The following TFEC variants were observed in gnomAD, a reference collection of about 807,000 sequenced individuals.
TFEC encodes class E basic helix-loop-helix protein 34.
In TFEC, 31 loss-of-function variants were observed where a neutral mutation model predicts 41.6. That is an observed-to-expected ratio of 0.74 (90% CI 0.56 to 1.01). The LOEUF is 1.01. Among genes scored for constraint, TFEC ranks in the 50% least tolerant of loss-of-function variants. TFEC has a pLI of 0.00. For missense variants in TFEC, 402 were observed against 404.1 expected (o/e 0.99, Z 0.04); for synonymous variants, 143 against 140.6 (o/e 1.02, Z -0.12).
chr7:116,074,088 T>C (rs916743765), intron 3 of TFEC, among the ~76,000 whole-genome samples: 2 of 151,790 alleles, frequency 1.3e-5, no homozygotes, highest in African/African-American at 2.4e-5. Flanking sequence ...TCAGACCTAA[T>C]CATAAGATCT....
intron 3 of TFEC, among the ~76,000 whole-genome samples, chr7:116,050,546 G>A (rs61619491): frequency 0.19 from 28,890 of 152,120 alleles, 2,777 homozygotes; most frequent in East Asian, 0.32. Flanking sequence ...ACATCAAAAA[G>A]TGCTCATCAT....
chr7:116,129,942 T>A lies in TFEC; in HGVS notation c.-68-17904A>T, dbSNP rs139701503. Among the ~76,000 whole-genome samples the A allele has an allele frequency of 5.7e-4, 86 of 151,960 alleles. 1 individual carries two copies. In the East Asian group the frequency reaches 0.012, roughly 22 times the overall value. On this transcript the variant is annotated intron_variant, in intron 1 of 8. Transcript: ENST00000484212. The stretch of plus-strand genomic sequence containing the variant: ...CCATAAACTTTCTATCACCATAAAC[T>A]TCCAGTGGCTCTCCTTCCCCTCATG...
intron 1 of TFEC, among the ~76,000 whole-genome samples, chr7:116,019,871 G>C (rs1163265858): frequency 1.3e-5 from 2 of 152,142 alleles, no homozygotes; most frequent in African/African-American, 2.4e-5. Context: ...GAGAGATTAA[G>C]CAACTTGTGT....
rs1215270359 is a variant in TFEC, at chr7:116,133,210, A to G, written c.-68-21172T>C. Among the ~76,000 whole-genome samples, 4 of 152,112 alleles carry G rather than the reference A, an allele frequency of 2.6e-5. No homozygotes were observed. In the East Asian group the frequency reaches 5.8e-4, roughly 22 times the overall value. ...CTTATGTTTAGATTCTCGGCAACAA[A>G]ACTACAAACGTGTTATGTACCAAAC... is the stretch of plus-strand genomic sequence containing the variant. On this transcript the variant is annotated intron_variant, in intron 1 of 8. Coordinates refer to the TFEC transcript ENST00000484212.
At chr7:115,946,656 T>C (rs1057498652) in intron 6 of TFEC, among the ~76,000 whole-genome samples, 2 of 150,544 alleles carry the variant, frequency 1.3e-5, no homozygotes, top group African/African-American at 4.9e-5. Context: ...TTTTTCTTTC[T>C]TTCCTTCCTT....
chr7:115,998,027 A>G (rs1190104531), intron 1 of TFEC, among the ~76,000 whole-genome samples: 2 of 152,112 alleles, frequency 1.3e-5, no homozygotes, highest in African/African-American at 4.8e-5. Flanking sequence ...AGAGAGAGGG[A>G]TAGAAAATTT....
At chr7:116,061,817 A>C (rs1451237240) in intron 3 of TFEC, among the ~76,000 whole-genome samples, 1 of 152,184 alleles carries the variant, frequency 6.6e-6, no homozygotes, top group East Asian at 1.9e-4. Flanking sequence ...TATAAGGTAT[A>C]TGGATAGCAA....
At chr7:116,002,582 T>C (rs1794639693) in intron 1 of TFEC, among the ~76,000 whole-genome samples, 1 of 152,172 alleles carries the variant, frequency 6.6e-6, no homozygotes, top group Non-Finnish European at 1.5e-5. Flanking sequence ...TATCATTAGA[T>C]ATAATGAATA....
At chr7:115,952,043 TAAAC>T (rs1410400903) in intron 5 of TFEC, among the ~76,000 whole-genome samples, 1 of 152,064 alleles carries the variant, frequency 6.6e-6, no homozygotes, top group Non-Finnish European at 1.5e-5. Flanking sequence ...GGAAAATACT[TAAAC>T]AGTTCACATT....
In TFEC at chr7:115,978,681, C is replaced by T. The variant is rs186946560; in HGVS notation, c.181-4425G>A. Among the ~76,000 whole-genome samples, 124 of 152,214 alleles carry T rather than the reference C, an allele frequency of 8.1e-4. 1 individual carries two copies. Among genetic ancestry groups the T allele is most frequent in the Non-Finnish European group, 3.1e-4 (21 of 67,976 alleles). ...CATCCCTTTTGTTGTTATTTTTATT[C>T]ACTCTTTGCCAAGTTCAACAGATAT... On this transcript the variant is annotated intron_variant, in intron 2 of 7. Coordinates refer to ENST00000265440, the MANE Select transcript of TFEC (RefSeq NM_012252.4).
intron 5 of TFEC, among the ~76,000 whole-genome samples, chr7:115,952,681 T>A (rs1328698589): frequency 6.6e-6 from 1 of 152,108 alleles, no homozygotes; most frequent in Non-Finnish European, 1.5e-5. Flanking sequence ...TGTTCATACC[T>A]AGTACTAGTT....
intron 1 of TFEC, among the ~76,000 whole-genome samples, chr7:116,028,453 A>G (rs189280623): frequency 6.6e-6 from 1 of 152,264 alleles, no homozygotes; most frequent in African/African-American, 2.4e-5. Context: ...GTAGGTTATG[A>G]CTTTGGGGAT....
intron 4 of TFEC, among the ~76,000 whole-genome samples, chr7:115,956,284 G>A (rs1039977644): frequency 6.7e-6 from 1 of 149,990 alleles, no homozygotes; most frequent in Non-Finnish European, 1.5e-5. Context: ...ATCAAATTCT[G>A]CATACAAAGA....
At chr7:116,121,182 G>T (rs1562977085) in intron 1 of TFEC, among the ~76,000 whole-genome samples, 1 of 151,908 alleles carries the variant, frequency 6.6e-6, no homozygotes, top group African/African-American at 2.4e-5. Context: ...TCTGCAAAAT[G>T]AGGTATATAC....
At chr7:116,144,068 A>G (rs1798593161) in intron 1 of TFEC, among the ~76,000 whole-genome samples, 1 of 152,128 alleles carries the variant, frequency 6.6e-6, no homozygotes, top group Admixed American at 6.6e-5. Flanking sequence ...AAATACAAAA[A>G]TTAGCCAGGT....
At chr7:116,159,375 A>G (rs1308725492) in intron 1 of TFEC, among the ~76,000 whole-genome samples, 1 of 151,976 alleles carries the variant, frequency 6.6e-6, no homozygotes, top group Non-Finnish European at 1.5e-5. Context: ...ATTCTACATT[A>G]TATATAATAA....
intron 3 of TFEC, among the ~76,000 whole-genome samples, chr7:116,078,562 A>G (rs1797013933): frequency 6.6e-6 from 1 of 151,998 alleles, no homozygotes; most frequent in Non-Finnish European, 1.5e-5. Context: ...ACACCTTTAC[A>G]TGCATACTCT....
chr7:116,111,901 C>A (rs894540201), intron 2 of TFEC: 11 of 587,056 alleles, frequency 1.9e-5, no homozygotes, highest in Non-Finnish European at 2.4e-5. Flanking sequence ...AGATATCATA[C>A]CACACCCTGG....
At chr7:116,095,744 CTTTTA>C (rs1231567813) in intron 3 of TFEC, among the ~76,000 whole-genome samples, 8 of 152,062 alleles carry the variant, frequency 5.3e-5, no homozygotes, top group Admixed American at 5.2e-4. Context: ...TCTACGTTTC[CTTTTA>C]TTTTTTTTTC....
Sources: gnomAD v4.1 joint callset for allele counts (sites outside exome capture counted in the v4.1 genomes callset) on GRCh38, gnomAD v4.1.1 for gene constraint, MANE v1.5 for transcripts, NCBI Gene and HGNC (gene_info 2026-07-23, HGNC 2026-07-21) for gene names.